The following SLC43A2 variants were observed in gnomAD, a reference collection of about 807,000 sequenced individuals.
The protein encoded by SLC43A2 is solute carrier family 43 member 2.
Under a neutral mutation model 63.2 loss-of-function variants are expected in SLC43A2, and 38 were observed. The ratio of observed to expected loss-of-function variants is 0.60; its 90% CI spans 0.46 to 0.79. The LOEUF (loss-of-function observed/expected upper bound fraction) is 0.79, where lower values mean the gene tolerates loss of function less well. Ranked by LOEUF, SLC43A2 falls within the 30% of genes least tolerant of loss-of-function variation. The probability of loss-of-function intolerance (pLI) is 0.00; values close to 1 mark genes in which losing one functional copy is unlikely to be tolerated. For synonymous variants in SLC43A2, 322 were observed against 331.0 expected (o/e 0.97, Z 0.30); for missense variants, 644 against 756.2 (o/e 0.85, Z 1.74).
intron 5 of SLC43A2, chr17:1,604,669 C>T: frequency 1.3e-6 from 2 of 1,486,706 alleles, no homozygotes; most frequent in Non-Finnish European, 1.8e-6. Context: ...CCACAATGCC[C>T]AGTCCCCAAC....
At chr17:1,587,832 A>G (rs1264953966) in intron 9 of SLC43A2, among the ~76,000 whole-genome samples, 1 of 152,234 alleles carries the variant, frequency 6.6e-6, no homozygotes, top group African/African-American at 2.4e-5. Flanking sequence ...AGGGTAGGAC[A>G]GGTGGCCCCT....
At chr17:1,576,465 G>A (rs564113893) in intron 13 of SLC43A2, 132 bp downstream of exon 13, 55 of 965,252 alleles carry the variant, frequency 5.7e-5, no homozygotes, top group Non-Finnish European at 7.9e-5. Context: ...TTCACAAAGG[G>A]ACTCTTAACC....
intron 2 of SLC43A2, among the ~76,000 whole-genome samples, chr17:1,624,908 A>G (rs1161607065): frequency 6.6e-6 from 1 of 152,100 alleles, no homozygotes; most frequent in Non-Finnish European, 1.5e-5. Flanking sequence ...ATAAAAAAAA[A>G]CCATCCACAG....
intron 2 of SLC43A2, among the ~76,000 whole-genome samples, chr17:1,617,691 G>A (rs1265042044): frequency 6.6e-6 from 1 of 152,056 alleles, no homozygotes; most frequent in Non-Finnish European, 1.5e-5. Flanking sequence ...ACACCCAGCC[G>A]ATATGCACCT....
chr17:1,604,022 G>C (rs933349142), intron 5 of SLC43A2, among the ~76,000 whole-genome samples: 5 of 152,212 alleles, frequency 3.3e-5, no homozygotes, highest in African/African-American at 9.6e-5. Context: ...CCTTCAACTA[G>C]AGGTTTATTT....
At chr17:1,618,178 C>G (rs946066609) in intron 2 of SLC43A2, among the ~76,000 whole-genome samples, 3 of 152,238 alleles carry the variant, frequency 2.0e-5, no homozygotes, top group Non-Finnish European at 2.9e-5. Context: ...CAACGTGTGG[C>G]CAAGGAGCCC....
chr17:1,585,222 T>C, intron 10 of SLC43A2: 1 of 995,518 alleles, frequency 1.0e-6, no homozygotes, highest in Non-Finnish European at 1.2e-6. Flanking sequence ...TTTTTCTTCC[T>C]TCTTACTCAA....
chr17:1,587,139 G>A (rs1404662075), intron 9 of SLC43A2, among the ~76,000 whole-genome samples: 1 of 143,028 alleles, frequency 7.0e-6, no homozygotes, highest in Non-Finnish European at 1.5e-5. Context: ...GGCGCTCAGG[G>A]GAGGCAGAGC....
rs1906466487 is a variant in SLC43A2, at chr17:1,605,019, A to G, written c.501+8176T>C. 2.1e-6 allele frequency: 3 copies of G among 1,427,612 alleles called. No homozygotes were observed. Among genetic ancestry groups the G allele is most frequent in the Admixed American group, 2.7e-5 (1 of 36,846 alleles). The allele number at this position is 1,427,612 out of a possible 1,614,324, so 88.4% of individuals were successfully genotyped here. ...CGGAGGGGAAGGACCCCAGGAGGGG[A>G]AGGACCAGCTTTGCTGCCAAGCAGG... is the stretch of plus-strand genomic sequence containing the variant. On this transcript the variant is annotated intron_variant, in intron 5 of 13. Coordinates refer to ENST00000301335, the MANE Select transcript of SLC43A2 (RefSeq NM_152346.3). This position sits in a 1 kb window ranked among gnomAD's most constrained non-coding sequence, Gnocchi z 4.9.
At chr17:1,621,659 C>T (rs992794081) in intron 2 of SLC43A2, among the ~76,000 whole-genome samples, 4 of 152,238 alleles carry the variant, frequency 2.6e-5, no homozygotes, top group Non-Finnish European at 4.4e-5. Context: ...CCATGCTCAA[C>T]GGGTGTGCCC....
intron 5 of SLC43A2, among the ~76,000 whole-genome samples, chr17:1,603,841 G>A (rs1032561859): frequency 6.6e-6 from 1 of 152,018 alleles, no homozygotes; most frequent in African/African-American, 2.4e-5. Flanking sequence ...AAAGTCAAGG[G>A]ACTCCCCCAA....
rs944098651 is a variant in SLC43A2 at position 1,573,736 on chromosome 17, C to T, written c.*1868G>A. The T allele has an allele frequency of 2.0e-5, 3 of 152,122 alleles. No individual in the cohort carries two copies. The highest frequency in any genetic ancestry group is 4.8e-5 in the African/African-American group (2 of 41,402). 9.4% of individuals were successfully genotyped at this position (152,122 alleles called of 1,614,324 possible). ...CCCGGTTCAAGCGATTCTCCTGCCT[C>T]AGGCTCCCGAGTAGTTGGGATTACA... On this transcript the variant is annotated 3_prime_UTR_variant, in exon 14 of 14. Transcript: ENST00000301335.
At chr17:1,603,036 G>A (rs1906221587) in intron 5 of SLC43A2, 1 of 152,096 alleles carries the variant, frequency 6.6e-6, no homozygotes, top group Admixed American at 6.5e-5. Flanking sequence ...TGGGATTACA[G>A]GCGTGAGCCA....
intron 5 of SLC43A2, among the ~76,000 whole-genome samples, chr17:1,602,758 GTT>G (rs555244484): frequency 5.2e-5 from 7 of 135,032 alleles, no homozygotes; most frequent in Admixed American, 1.5e-4. Context: ...TGTTTTTTCA[GTT>G]TTTTTTTTTT....
rs1906469377 is a variant in SLC43A2, at chr17:1,605,053, G to A, written c.501+8142C>T. 1 of 1,411,660 alleles carries A rather than the reference G, an allele frequency of 7.1e-7. No individual in the cohort carries two copies. The highest frequency in any genetic ancestry group is 2.6e-5 in the East Asian group (1 of 38,084). The allele number at this position is 1,411,660 out of a possible 1,614,324, so 87.4% of individuals were successfully genotyped here. A position where few individuals can be genotyped will look rare whatever the true frequency, so the allele number is the denominator to read the frequency against. ...CTTTGCTGCCAAGCAGGAAGCCGGA[G>A]CTGTTTCCTGACTCACCACCACACT... is the stretch of plus-strand genomic sequence containing the variant. On this transcript the variant is annotated intron_variant, in intron 5 of 13. Coordinates refer to ENST00000301335, the MANE Select transcript of SLC43A2 (RefSeq NM_152346.3). This position sits in a 1 kb window ranked among gnomAD's most constrained non-coding sequence, Gnocchi z 4.9.
intron 5 of SLC43A2, chr17:1,604,978 GGGCCTC>G (rs886339171): frequency 1.4e-6 from 2 of 1,448,984 alleles, no homozygotes; most frequent in African/African-American, 1.4e-5. Flanking sequence ...GCCCTAGCGC[GGGCCTC>G]GAGGGCTGGC....
chr17:1,585,483 C>G, intron 10 of SLC43A2: 1 of 385,800 alleles, frequency 2.6e-6, no homozygotes, highest in Non-Finnish European at 4.7e-6. Flanking sequence ...TGGGCTCAAG[C>G]AATTCACTCA....
intron 10 of SLC43A2, among the ~76,000 whole-genome samples, chr17:1,584,517 T>C (rs1453624456): frequency 6.6e-6 from 1 of 152,042 alleles, no homozygotes; most frequent in Non-Finnish European, 1.5e-5. Flanking sequence ...TGTGGAGCCA[T>C]GGAAAACAGC....
chr17:1,609,092 C>T (rs1906866912), intron 5 of SLC43A2, among the ~76,000 whole-genome samples: 1 of 152,076 alleles, frequency 6.6e-6, no homozygotes, highest in Non-Finnish European at 1.5e-5. Flanking sequence ...TTAAAAATGG[C>T]ATGTCGTTTT....
Sources: gnomAD v4.1 joint callset for allele counts (sites outside exome capture counted in the v4.1 genomes callset) on GRCh38, gnomAD v4.1.1 for gene constraint, Gnocchi (gnomAD v3.1) non-coding constraint, MANE v1.5 for transcripts, NCBI Gene and HGNC (gene_info 2026-07-23, HGNC 2026-07-21) for gene names.